LAMB4: variants seen among roughly 807,000 people sequenced by gnomAD.
The protein encoded by LAMB4 is laminin subunit beta-4.
In LAMB4, 196 loss-of-function variants were observed where a neutral mutation model predicts 199.2. The ratio of observed to expected loss-of-function variants is 0.98; its 90% CI spans 0.88 to 1.11. LAMB4 has a LOEUF of 1.11. Among genes scored for constraint, LAMB4 ranks in the 50% least tolerant of loss-of-function variants. The pLI, the probability that LAMB4 is intolerant of heterozygous loss-of-function variation, is 0.00. For synonymous variants in LAMB4, 744 were observed against 770.6 expected, an observed-to-expected ratio of 0.97 and a Z score of 0.57; for missense variants, 2,080 against 2,171.2, an observed-to-expected ratio of 0.96 and a Z score of 0.83.
intron 29 of LAMB4, among the ~76,000 whole-genome samples, chr7:108,041,365 T>C (rs1207061650): frequency 6.6e-6 from 1 of 152,150 alleles, no homozygotes; most frequent in Non-Finnish European, 1.5e-5. Context: ...AAAAAAAGAT[T>C]ACAATTTGAC....
chr7:108,039,789 TA>T (rs1464881933), intron 29 of LAMB4, among the ~76,000 whole-genome samples: 1 of 152,096 alleles, frequency 6.6e-6, no homozygotes, highest in African/African-American at 2.4e-5. Flanking sequence ...GCTTTTTAAT[TA>T]AAAAAGTTCT....
intron 1 of LAMB4, among the ~76,000 whole-genome samples, chr7:108,126,489 C>A (rs949757145): frequency 1.5e-4 from 22 of 151,338 alleles, no homozygotes; most frequent in African/African-American, 4.6e-4. Flanking sequence ...TTGTGACTGG[C>A]CTATTTCACG....
intron 3 of LAMB4, 94 bp downstream of exon 3, chr7:108,115,910 C>A: frequency 3.8e-6 from 5 of 1,318,618 alleles, no homozygotes; most frequent in Non-Finnish European, 5.2e-6. Flanking sequence ...AGGAAGTTGT[C>A]TCCTTTAATG....
chr7:108,064,541 GCAAC>G (rs2036270493), intron 21 of LAMB4, among the ~76,000 whole-genome samples: 1 of 152,142 alleles, frequency 6.6e-6, no homozygotes, highest in African/African-American at 2.4e-5. Context: ...CTTTACCCTT[GCAAC>G]CATGAGATGA....
Position 108,128,467 on chromosome 7 carries a change from G to T in LAMB4, c.-34+1839C>A, listed in dbSNP as rs115926629. Reference sequence around the variant, plus strand: ...AAAATATCAACAGCGCTGAGCTTGAGAAACTTTCTCAGTGGCTTCAGTGCC... The same window carrying T: ...AAAATATCAACAGCGCTGAGCTTGATAAACTTTCTCAGTGGCTTCAGTGCC... On this transcript the variant is annotated intron_variant, in intron 1 of 33. Transcript: ENST00000388781. 2.5e-3 allele frequency among the ~76,000 whole-genome samples: 386 copies of T among 152,260 alleles called. 3 individuals carry two copies. Among genetic ancestry groups the T allele is most frequent in the African/African-American group, 8.8e-3 (367 of 41,550 alleles).
chr7:108,098,428 G>T lies in LAMB4; in HGVS notation c.1335C>A (p.Ser445Arg). Reference protein sequence around the residue: ...DQCKPNHYGLSATDPLGCQPC... With the variant: ...DQCKPNHYGLRATDPLGCQPC... ...GCTGGCAGCCCAGGGGGTCGGTGGCGCTTAGTCCGTAGTGGTTGGGTTTGC... is the reference window on the plus strand; with the variant it reads ...GCTGGCAGCCCAGGGGGTCGGTGGCTCTTAGTCCGTAGTGGTTGGGTTTGC... The change falls in exon 11 of 34, where the codon AGC becomes AGA. Residue 445 changes from serine (S) to arginine (R), a missense_variant. Ser to Arg is a moderately radical substitution (Grantham distance 110). Transcript: ENST00000388781. 1 of 1,529,550 alleles carries T rather than the reference G, an allele frequency of 6.5e-7. No individual in the cohort carries two copies. Among genetic ancestry groups the T allele is most frequent in the South Asian group, 1.1e-5 (1 of 88,226 alleles). The allele number at this position is 1,529,550 out of a possible 1,614,324, so 94.7% of individuals were successfully genotyped here.
At chr7:108,117,110 T>G (rs2038435449) in intron 2 of LAMB4, among the ~76,000 whole-genome samples, 1 of 152,234 alleles carries the variant, frequency 6.6e-6, no homozygotes, top group African/African-American at 2.4e-5. Context: ...AGATTGAATT[T>G]AAAGTTAAAT....
chr7:108,023,994 C>G lies in LAMB4; in HGVS notation c.*45G>C, dbSNP rs1241273259. The stretch of plus-strand genomic sequence containing the variant: ...AACAGAGCCCCAGGGGCTTGTACAT[C>G]AGAAACCAGAAACAAAGGCACAAGC... On this transcript the variant is annotated 3_prime_UTR_variant, in exon 34 of 34. Coordinates refer to ENST00000388781, the MANE Select transcript of LAMB4 (RefSeq NM_007356.3). 6.5e-7 allele frequency: 1 copy of G among 1,549,250 alleles called. No homozygotes were observed. The highest frequency in any genetic ancestry group is 8.7e-7 in the Non-Finnish European group (1 of 1,150,490).
At chr7:108,128,581 G>A (rs1050557937) in intron 1 of LAMB4, among the ~76,000 whole-genome samples, 3 of 151,910 alleles carry the variant, frequency 2.0e-5, no homozygotes, top group Non-Finnish European at 4.4e-5. Flanking sequence ...CCCATTTTAG[G>A]AGAGCTAAGC....
chr7:108,043,240 TATC>T (rs1420507471), intron 29 of LAMB4, among the ~76,000 whole-genome samples: 3 of 152,176 alleles, frequency 2.0e-5, no homozygotes, highest in Admixed American at 1.3e-4. Context: ...CTTGATCTCA[TATC>T]ATTTCTGTCA....
chr7:108,056,124 G>A lies in LAMB4; in HGVS notation c.3380-117C>T, dbSNP rs1011542128. ...TCTTCCCAACTCACACTTCTAAGAT[G>A]AATATTTAAAGCCAATATAATTTCA... On this transcript the variant is annotated intron_variant, in intron 24 of 33. Transcript: ENST00000388781. 1.7e-5 allele frequency: 15 copies of A among 903,540 alleles called. No individual in the cohort carries two copies. The South Asian group carries it at 2.4e-4, about 15-fold the overall frequency. The allele number at this position is 903,540 out of a possible 1,614,324, so 56.0% of individuals were successfully genotyped here.
chr7:108,013,366 C>T, the LAMB4 span, among the ~76,000 whole-genome samples: 2 of 152,032 alleles, frequency 1.3e-5, no homozygotes, highest in African/African-American at 2.4e-5. Context: ...AATACGCATT[C>T]GTATGTTAAA....
chr7:108,041,903 C>T (rs1331616204), intron 29 of LAMB4, among the ~76,000 whole-genome samples: 2 of 152,046 alleles, frequency 1.3e-5, no homozygotes, highest in African/African-American at 2.4e-5. Flanking sequence ...AAAAAAAGTT[C>T]GAATGAAAAG....
the LAMB4 span, among the ~76,000 whole-genome samples, chr7:108,014,462 GT>G: frequency 3.3e-5 from 5 of 150,658 alleles, no homozygotes; most frequent in South Asian, 2.1e-4. Context: ...TGAGAAAGTT[GT>G]TTTTTTTTCC....
At chr7:108,064,415 A>G (rs2036266977) in intron 21 of LAMB4, among the ~76,000 whole-genome samples, 1 of 152,222 alleles carries the variant, frequency 6.6e-6, no homozygotes, top group Admixed American at 6.5e-5. Context: ...AGTCCCAAAC[A>G]GCAATAGCTG....
At chr7:108,079,427 T>A (rs1017425362) in intron 15 of LAMB4, among the ~76,000 whole-genome samples, 174 bp downstream of exon 15, 18 of 152,226 alleles carry the variant, frequency 1.2e-4, no homozygotes, top group African/African-American at 4.3e-4. Flanking sequence ...TGCATATGGC[T>A]CACTGCGCTG....
the LAMB4 span, among the ~76,000 whole-genome samples, chr7:108,017,965 T>C: frequency 2.6e-5 from 4 of 152,368 alleles, no homozygotes; most frequent in African/African-American, 9.6e-5. Flanking sequence ...CCTAAGGTCA[T>C]GCAGGGGACA....
intron 14 of LAMB4, among the ~76,000 whole-genome samples, chr7:108,080,476 T>TTC (rs2036887813): frequency 6.6e-6 from 1 of 152,120 alleles, no homozygotes. Context: ...TGCTGCTCTC[T>TTC]TCTCTCTCTC....
At chr7:108,046,107 G>A (rs1032019635) in intron 28 of LAMB4, among the ~76,000 whole-genome samples, 1 of 151,644 alleles carries the variant, frequency 6.6e-6, no homozygotes, top group Non-Finnish European at 1.5e-5. Flanking sequence ...CACTGTTGTC[G>A]GTGCAGGCTG....
Sources: allele counts gnomAD v4.1 joint callset (sites outside exome capture counted in the v4.1 genomes callset), GRCh38; gene constraint gnomAD v4.1.1; transcripts MANE v1.5; gene names NCBI Gene and HGNC (gene_info 2026-07-23, HGNC 2026-07-21).